The following CREB5 variants were observed in gnomAD, a reference collection of about 807,000 sequenced individuals.
CREB5 encodes the protein cyclic AMP-responsive element-binding protein 5.
CREB5 carries 19 observed loss-of-function variants against 57.1 expected under a neutral mutation model. That is an observed-to-expected ratio of 0.33 (90% confidence interval 0.23 to 0.49). CREB5 has a LOEUF of 0.49. Among genes scored for constraint, CREB5 ranks in the 20% least tolerant of loss-of-function variants. CREB5 has a pLI of 0.99. For missense variants in CREB5, 579 were observed against 671.6 expected (o/e 0.86, Z 1.52); for synonymous variants, 238 against 238.3 (o/e 1.00, Z 0.01).
At chr7:28,476,360 C>T (rs1370786732) in intron 1 of CREB5, among the ~76,000 whole-genome samples, 2 of 152,194 alleles carry the variant, frequency 1.3e-5, no homozygotes, top group African/African-American at 2.4e-5. Flanking sequence ...GTGCCATGTG[C>T]CATCTCTGCA....
chr7:28,723,377 G>T (rs1488493199), intron 6 of CREB5, among the ~76,000 whole-genome samples: 3 of 152,214 alleles, frequency 2.0e-5, no homozygotes, highest in African/African-American at 7.2e-5. Flanking sequence ...GCACCCTGGA[G>T]ATTAAAATGC....
At chr7:28,409,603 C>T (rs1253851185), upstream of CREB5, 77 of 251,312 alleles carry the variant, frequency 3.1e-4, no homozygotes, top group Non-Finnish European at 2.4e-5. The surrounding 1 kb of genome is among the most constrained non-coding windows in gnomAD (Gnocchi z 4.4). Flanking sequence ...AGGGAAGATG[C>T]GATGCATTTT....
Position 28,507,658 on chromosome 7 carries a change from A to G in CREB5, c.212A>G (p.Glu71Gly). ...TPTRFLKNCE[E>G]VGLFSELDCS... ...ACGAGATTCCTGAAGAACTGCGAGG[A>G]GGTGGGCCTCTTCAGCGAGCTGGAC... The change falls in exon 4 of 11, where the codon GAG (glutamate) becomes GGG (glycine). Residue 71 changes from glutamate (E) to glycine (G), a missense_variant. Glu to Gly is a moderately conservative substitution (Grantham distance 98, BLOSUM62 -2). This residue lies in a region of CREB5 where 459 missense variants were observed against 515.7 expected (regional missense o/e 0.89). Coordinates refer to ENST00000357727, the MANE Select transcript of CREB5 (RefSeq NM_182898.4). The G allele has an allele frequency of 6.2e-7, 1 of 1,611,698 alleles. No individual in the cohort carries two copies. The highest frequency in any genetic ancestry group is 8.5e-7 in the Non-Finnish European group (1 of 1,178,304).
intron 7 of CREB5, among the ~76,000 whole-genome samples, chr7:28,729,604 T>A (rs1803505270): frequency 6.6e-6 from 1 of 152,216 alleles, no homozygotes; most frequent in South Asian, 2.1e-4. Flanking sequence ...GGAAAGCTTA[T>A]ACACATGAAA....
At chr7:28,770,623 C>T (rs1472377827) in intron 7 of CREB5, among the ~76,000 whole-genome samples, 1 of 152,154 alleles carries the variant, frequency 6.6e-6, no homozygotes, top group Non-Finnish European at 1.5e-5. Context: ...AAGACAGTTA[C>T]ATCAATGATC....
At chr7:28,647,833 C>A (rs941490540) in intron 5 of CREB5, among the ~76,000 whole-genome samples, 10 of 152,130 alleles carry the variant, frequency 6.6e-5, no homozygotes, top group African/African-American at 2.4e-4. Context: ...ATAATCCCAG[C>A]ACTTTGGGAG....
intron 4 of CREB5, among the ~76,000 whole-genome samples, chr7:28,551,362 C>T (rs929164263): frequency 2.0e-5 from 3 of 152,140 alleles, no homozygotes; most frequent in South Asian, 2.1e-4. Context: ...TGCAAGTCCC[C>T]AAGCTTCCTT....
At chr7:28,321,794 T>G (rs1192605514) in intron 1 of CREB5, among the ~76,000 whole-genome samples, 2 of 152,120 alleles carry the variant, frequency 1.3e-5, no homozygotes, top group Non-Finnish European at 2.9e-5. Context: ...AAGGTAAAAT[T>G]ATTAAGAATT....
At chr7:28,597,979 G>T (rs1796753388) in intron 5 of CREB5, among the ~76,000 whole-genome samples, 1 of 144,902 alleles carries the variant, frequency 6.9e-6, no homozygotes, top group Non-Finnish European at 1.5e-5. Flanking sequence ...TCCCTCAAAA[G>T]GAAAAGGCAA....
chr7:28,542,421 C>T (rs144804167), intron 4 of CREB5, among the ~76,000 whole-genome samples: 292 of 152,286 alleles, frequency 1.9e-3, no homozygotes, highest in Non-Finnish European at 1.8e-3. Flanking sequence ...GCCAATGTTC[C>T]TTTATGTCTA....
intron 7 of CREB5, among the ~76,000 whole-genome samples, chr7:28,772,216 G>C (rs1159619570): frequency 2.0e-5 from 3 of 152,224 alleles, no homozygotes; most frequent in Admixed American, 2.0e-4. Flanking sequence ...CAGACGGCTA[G>C]ACACTTGGGA....
intron 5 of CREB5, among the ~76,000 whole-genome samples, chr7:28,701,676 C>T (rs1364080900): frequency 6.6e-6 from 1 of 152,058 alleles, no homozygotes; most frequent in Non-Finnish European, 1.5e-5. Context: ...TTCCAGCTGC[C>T]CAAGTTGTTC....
intron 5 of CREB5, among the ~76,000 whole-genome samples, chr7:28,646,738 G>GT (rs765397571): frequency 9.2e-5 from 14 of 151,880 alleles, no homozygotes; most frequent in East Asian, 3.9e-4. Flanking sequence ...ATTGGAATGT[G>GT]TTTTTTTTAA....
chr7:28,563,927 C>A (rs898457963), intron 4 of CREB5, among the ~76,000 whole-genome samples: 1 of 152,122 alleles, frequency 6.6e-6, no homozygotes, highest in African/African-American at 2.4e-5. Flanking sequence ...CTCACTACCC[C>A]CTTGGTCATG....
intron 1 of CREB5, among the ~76,000 whole-genome samples, chr7:28,390,911 C>T (rs889706683): frequency 2.0e-5 from 3 of 150,512 alleles, no homozygotes; most frequent in African/African-American, 4.9e-5. Context: ...TCCTTATGCA[C>T]TTTTAACTCT....
intron 1 of CREB5, among the ~76,000 whole-genome samples, chr7:28,463,017 T>A (rs1034943206): frequency 1.3e-5 from 2 of 152,142 alleles, no homozygotes; most frequent in Non-Finnish European, 2.9e-5. Context: ...AAATCCAAGA[T>A]AAAGATTTAT....
chr7:28,578,026 G>A (rs1441224370), intron 5 of CREB5, among the ~76,000 whole-genome samples: 1 of 152,184 alleles, frequency 6.6e-6, no homozygotes, highest in Non-Finnish European at 1.5e-5. Context: ...GCCAGAGACA[G>A]TTCTATGGGA....
chr7:28,464,734 A>G (rs1298751841), intron 1 of CREB5, among the ~76,000 whole-genome samples: 1 of 151,958 alleles, frequency 6.6e-6, no homozygotes, highest in African/African-American at 2.4e-5. Flanking sequence ...AGACTGCTAA[A>G]CTTTTTGAAA....
chr7:28,395,709 G>C (rs1243740272), intron 1 of CREB5, among the ~76,000 whole-genome samples: 1 of 152,124 alleles, frequency 6.6e-6, no homozygotes, highest in Non-Finnish European at 1.5e-5. Context: ...TTTTACCCTG[G>C]TGGGGCCAAG....
Sources: allele counts gnomAD v4.1 joint callset (sites outside exome capture counted in the v4.1 genomes callset), GRCh38; gene constraint gnomAD v4.1.1; regional missense constraint gnomAD v4.1.1; non-coding constraint Gnocchi (gnomAD v3.1); transcripts MANE v1.5; gene names NCBI Gene and HGNC (gene_info 2026-07-23, HGNC 2026-07-21).